The following OPHN1 variants were observed in gnomAD, a reference collection of about 807,000 sequenced individuals.
OPHN1 encodes the protein oligophrenin 1.
OPHN1 carries 11 observed loss-of-function variants against 60.7 expected under a neutral mutation model. That is an observed-to-expected ratio of 0.18 (90% confidence interval 0.11 to 0.30). The LOEUF is 0.30. Ranked by LOEUF, OPHN1 falls within the 10% of genes least tolerant of loss-of-function variation. The pLI is 1.00. For missense variants in OPHN1, 449 were observed against 611.0 expected (o/e 0.73, Z 2.80); for synonymous variants, 226 against 222.6 (o/e 1.02, Z -0.14).
chrX:68,054,440 T>C (rs747906190), intron 21 of OPHN1, among the ~76,000 whole-genome samples: 7 of 110,905 alleles, frequency 6.3e-5, no homozygotes, highest in Non-Finnish European at 1.3e-4. Context: ...CTAGAGGGCA[T>C]CAAGGATTCT....
chrX:68,403,051 A>T (rs779062893), intron 2 of OPHN1, among the ~76,000 whole-genome samples: 3 of 112,316 alleles, frequency 2.7e-5, no homozygotes, highest in South Asian at 3.7e-4. Flanking sequence ...GAACAAGCCA[A>T]CACTGCACAA....
At chrX:68,227,948 C>CA (rs959170660) in intron 6 of OPHN1, among the ~76,000 whole-genome samples, 3 of 110,884 alleles carry the variant, frequency 2.7e-5, no homozygotes, top group Admixed American at 9.6e-5. Context: ...AAAAAACCTT[C>CA]AAAAAATCAA....
At chrX:68,051,283 G>C (rs2076850730) in intron 23 of OPHN1, among the ~76,000 whole-genome samples, 1 of 111,383 alleles carries the variant, frequency 9.0e-6, no homozygotes, top group Non-Finnish European at 1.9e-5. Flanking sequence ...GTCCCTGAAG[G>C]CTAACCAAAT....
chrX:68,219,557 G>C (rs1398106503), intron 6 of OPHN1, among the ~76,000 whole-genome samples: 8 of 109,786 alleles, frequency 7.3e-5, no homozygotes, highest in Non-Finnish European at 1.1e-4. Flanking sequence ...AAATGTAAAA[G>C]AACAGAAATT....
At chrX:68,315,363 C>T (rs1602318330) in intron 2 of OPHN1, among the ~76,000 whole-genome samples, 2 of 111,308 alleles carry the variant, frequency 1.8e-5, no homozygotes, top group South Asian at 3.8e-4. Context: ...TCGATTTATG[C>T]GAAGTCATTC....
At chrX:68,155,616 T>C (rs2148948) in intron 15 of OPHN1, among the ~76,000 whole-genome samples, 27,041 of 111,306 alleles carry the variant, frequency 0.24, 3,660 homozygotes, top group African/African-American at 0.5. Context: ...AACAGACTAA[T>C]ACACTACCTC....
At chrX:68,217,243 C>A (rs941798659) in intron 6 of OPHN1, among the ~76,000 whole-genome samples, 1 of 112,126 alleles carries the variant, frequency 8.9e-6, no homozygotes, top group Non-Finnish European at 1.9e-5. Flanking sequence ...CGGAGCACCA[C>A]GAGATTATAT....
chrX:68,405,990 A>G (rs1417748498), intron 2 of OPHN1, among the ~76,000 whole-genome samples: 1 of 108,981 alleles, frequency 9.2e-6, no homozygotes, highest in Non-Finnish European at 1.9e-5. Flanking sequence ...ACTAAAATAC[A>G]AAAAAATAGC....
chrX:68,317,485 GA>G (rs2078210190), intron 2 of OPHN1, among the ~76,000 whole-genome samples: 1 of 81,378 alleles, frequency 1.2e-5, no homozygotes, highest in African/African-American at 6.6e-5. Flanking sequence ...GAGGAAGGGA[GA>G]GAGGGAGGGA....
chrX:68,157,954 C>CA (rs2077317178), intron 15 of OPHN1, among the ~76,000 whole-genome samples: 1 of 110,881 alleles, frequency 9.0e-6, no homozygotes, highest in Non-Finnish European at 1.9e-5. Context: ...TCTTTTTTTT[C>CA]TTTTTTTTCT....
intron 2 of OPHN1, among the ~76,000 whole-genome samples, chrX:68,371,236 A>G (rs1260135477): frequency 9.7e-6 from 1 of 103,459 alleles, no homozygotes; most frequent in Non-Finnish European, 1.9e-5. Context: ...TTTTTTTTCC[A>G]AAAAAAGGTC....
chrX:68,071,228 G>A, intron 20 of OPHN1: 2 of 663,150 alleles, frequency 3.0e-6, no homozygotes, highest in Non-Finnish European at 5.1e-6. Flanking sequence ...CCAGCCTTCT[G>A]TGGCAGACTG....
intron 19 of OPHN1, among the ~76,000 whole-genome samples, chrX:68,086,259 C>G (rs146706119): frequency 4.0e-3 from 435 of 108,570 alleles, no homozygotes; most frequent in African/African-American, 0.014. Flanking sequence ...GGGTCAAATA[C>G]TAGGTGGCAC....
rs998426592 is a variant in OPHN1 at position 68,331,196 on chromosome X, AT to A, written c.155-32101del. 4.7e-5 allele frequency among the ~76,000 whole-genome samples: 5 copies of A among 106,591 alleles called. No individual in the cohort carries two copies. In the East Asian group the frequency reaches 1.1e-3, roughly 24 times the overall value. The allele number at this position is 106,591 out of a possible 115,157, so 92.6% of individuals were successfully genotyped here. A position where few individuals can be genotyped will look rare whatever the true frequency, so the allele number is the denominator to read the frequency against. Reference sequence around the variant, plus strand: ...ATGATTATATACAATATAGTACATAATTATATAATAGTTATATCTTATAATT... The same window carrying A: ...ATGATTATATACAATATAGTACATAATATATAATAGTTATATCTTATAATT... On this transcript the variant is annotated intron_variant, in intron 2 of 24. Transcript: ENST00000355520.
chrX:68,069,114 A>T (rs190716259), intron 20 of OPHN1, among the ~76,000 whole-genome samples: 144 of 112,104 alleles, frequency 1.3e-3, no homozygotes, highest in Middle Eastern at 4.7e-3. Flanking sequence ...GGGTAACCTC[A>T]TTGGAGATCT....
intron 2 of OPHN1, among the ~76,000 whole-genome samples, chrX:68,383,836 T>C (rs904679480): frequency 9.1e-6 from 1 of 110,273 alleles, no homozygotes; most frequent in African/African-American, 3.3e-5. Flanking sequence ...GAGAAGACTG[T>C]TCCCTGTTTA....
intron 2 of OPHN1, among the ~76,000 whole-genome samples, chrX:68,400,015 G>C (rs986326297): frequency 3.6e-5 from 4 of 110,040 alleles, no homozygotes; most frequent in African/African-American, 1.3e-4. Flanking sequence ...TTGCAGAGGA[G>C]TGTGAGCTTT....
At chrX:68,166,349 C>A (rs2077358269) in intron 15 of OPHN1, among the ~76,000 whole-genome samples, 3 of 110,546 alleles carry the variant, frequency 2.7e-5, no homozygotes, top group Non-Finnish European at 3.8e-5. Flanking sequence ...TCTTGGCCAA[C>A]ATGGTGAAAC....
Position 68,042,641 on chromosome X carries a change from C to T in OPHN1, c.*4531G>A, listed in dbSNP as rs1031869527. Reference sequence around the variant, plus strand: ...AGAAATGCTCATCATCACTGGCCATCAGAGAAATGCAAATCAAAACCACTA... The same window carrying T: ...AGAAATGCTCATCATCACTGGCCATTAGAGAAATGCAAATCAAAACCACTA... On this transcript the variant is annotated 3_prime_UTR_variant, in exon 25 of 25. Coordinates refer to ENST00000355520, the MANE Select transcript of OPHN1 (RefSeq NM_002547.3). 5 of 101,250 alleles carry T rather than the reference C, an allele frequency of 4.9e-5. No individual in the cohort carries two copies. Among genetic ancestry groups the T allele is most frequent in the Non-Finnish European group, 1.0e-4 (5 of 49,984 alleles). 8.3% of individuals were successfully genotyped at this position (101,250 alleles called of 1,213,427 possible).
Sources: allele counts gnomAD v4.1 joint callset (sites outside exome capture counted in the v4.1 genomes callset), GRCh38; gene constraint gnomAD v4.1.1; transcripts MANE v1.5; gene names NCBI Gene and HGNC (gene_info 2026-07-23, HGNC 2026-07-21).